The following ITGA2 variants were observed in gnomAD, a reference collection of about 807,000 sequenced individuals.
ITGA2 encodes integrin subunit alpha 2, also known as integrin alpha-2.
Under a neutral mutation model 146.3 loss-of-function variants are expected in ITGA2, and 101 were observed. The observed-to-expected ratio is 0.69, with a 90% CI of 0.59 to 0.81. ITGA2 has a LOEUF of 0.81. Ranked by LOEUF, ITGA2 falls within the 40% of genes least tolerant of loss-of-function variation. ITGA2 has a pLI of 0.00. For synonymous variants in ITGA2, 477 were observed against 487.1 expected (o/e 0.98, Z 0.27); for missense variants, 1,281 against 1,402.7 (o/e 0.91, Z 1.39).
chr5:53,011,738 G>A (rs1023545767), intron 1 of ITGA2, among the ~76,000 whole-genome samples: 1 of 151,898 alleles, frequency 6.6e-6, no homozygotes, highest in Non-Finnish European at 1.5e-5. Context: ...TATGTGAGTG[G>A]GGGGGAGTGA....
In ITGA2 at chr5:53,094,637, AAC is replaced by A. The variant is rs1415788595; in HGVS notation, c.*4040_*4041del. On this transcript the variant is annotated 3_prime_UTR_variant, in exon 30 of 30. Transcript: ENST00000296585. ...GAGAAACAAAAATTAAATTGTAGTC[AAC>A]AGTTAGTAGTTTTTCTCATATCCAA... The A allele has an allele frequency of 1.3e-5, 2 of 149,430 alleles. No homozygotes were observed. The highest frequency in any genetic ancestry group is 5.0e-5 in the African/African-American group (2 of 39,754). 9.3% of individuals were successfully genotyped at this position (149,430 alleles called of 1,614,324 possible).
intron 12 of ITGA2, among the ~76,000 whole-genome samples, chr5:53,061,621 C>G (rs549873955): frequency 9.9e-5 from 15 of 151,898 alleles, no homozygotes; most frequent in Non-Finnish European, 2.1e-4. Context: ...TAGTTAGACC[C>G]TATGATGAAT....
intron 15 of ITGA2, among the ~76,000 whole-genome samples, chr5:53,066,339 GACCACAC>G (rs1384183288): frequency 1.3e-5 from 2 of 151,778 alleles, no homozygotes; most frequent in African/African-American, 4.8e-5. Flanking sequence ...TGAAAATTCA[GACCACAC>G]AAGTAAAGTG....
intron 1 of ITGA2, among the ~76,000 whole-genome samples, chr5:53,022,128 A>G (rs1335275136): frequency 6.6e-6 from 1 of 152,172 alleles, no homozygotes; most frequent in Non-Finnish European, 1.5e-5. Context: ...TTGTGGTTGA[A>G]TATAAAATGA....
intron 12 of ITGA2, 140 bp from the exon 13 acceptor site, chr5:53,062,646 C>A: frequency 1.2e-6 from 1 of 843,702 alleles, no homozygotes. Flanking sequence ...GAACTGTGCT[C>A]TCTGTCTTCA....
In ITGA2 at chr5:53,036,602, G is replaced by A. The variant is rs552406426; in HGVS notation, c.186-5510G>A. Reference sequence around the variant, plus strand: ...CAGTGAGGCCTTCCCTGACCATTCCGATGAAGATTATACTGCTCTCCACCC... The same window carrying A: ...CAGTGAGGCCTTCCCTGACCATTCCAATGAAGATTATACTGCTCTCCACCC... On this transcript the variant is annotated intron_variant, in intron 2 of 29. Coordinates refer to ENST00000296585, the MANE Select transcript of ITGA2 (RefSeq NM_002203.4). Among the ~76,000 whole-genome samples the A allele has an allele frequency of 7.0e-4, 106 of 152,096 alleles. 1 individual carries two copies. The highest frequency in any genetic ancestry group is 2.2e-3 in the African/African-American group (90 of 41,482).
intron 11 of ITGA2, 26 bp downstream of exon 11, chr5:53,060,038 G>A (rs1364883513): frequency 2.5e-6 from 4 of 1,610,470 alleles, no homozygotes; most frequent in South Asian, 2.2e-5. Context: ...AATTGGCTCA[G>A]CAAACTTAAG....
rs3212463 is a variant in ITGA2 at position 53,045,564 on chromosome 5, T to A, written c.387+472T>A. ...TAGTTACAAAAAGAGTAAAAAGACATCACTAATCAGTGAAATAGAATGCCT... is the reference window on the plus strand; with the variant it reads ...TAGTTACAAAAAGAGTAAAAAGACAACACTAATCAGTGAAATAGAATGCCT... On this transcript the variant is annotated intron_variant, in intron 4 of 29. Transcript: ENST00000296585. 6.0e-3 allele frequency among the ~76,000 whole-genome samples: 917 copies of A among 152,288 alleles called. 6 individuals carry two copies. The highest frequency in any genetic ancestry group is 0.021 in the African/African-American group (878 of 41,564).
intron 25 of ITGA2, among the ~76,000 whole-genome samples, chr5:53,081,367 G>A (rs1469804985): frequency 6.6e-6 from 1 of 152,070 alleles, no homozygotes; most frequent in Non-Finnish European, 1.5e-5. Flanking sequence ...CATCATATGT[G>A]GGCTATAAAA....
At chr5:53,057,475 C>A (rs962621459) in intron 9 of ITGA2, among the ~76,000 whole-genome samples, 3 of 151,912 alleles carry the variant, frequency 2.0e-5, no homozygotes, top group African/African-American at 7.2e-5. Flanking sequence ...AGAACCAGAA[C>A]AAACTTCCCA....
At chr5:53,022,438 A>G (rs1742736136) in intron 1 of ITGA2, among the ~76,000 whole-genome samples, 1 of 152,226 alleles carries the variant, frequency 6.6e-6, no homozygotes, top group African/African-American at 2.4e-5. Flanking sequence ...TTGAATTATA[A>G]CTTAAAATTA....
chr5:52,990,070 A>G (rs1740857677), intron 1 of ITGA2: 2 of 167,306 alleles, frequency 1.2e-5, no homozygotes, highest in Non-Finnish European at 2.6e-5. Context: ...AAGGATGTGA[A>G]TAATGCCTCT....
intron 1 of ITGA2, among the ~76,000 whole-genome samples, chr5:53,021,658 G>A (rs928430311): frequency 5.9e-5 from 9 of 152,184 alleles, no homozygotes; most frequent in Admixed American, 2.6e-4. Context: ...CAGTCCCTCA[G>A]GCATGGGAGA....
intron 16 of ITGA2, among the ~76,000 whole-genome samples, chr5:53,067,496 C>G (rs1339992273): frequency 6.6e-6 from 1 of 151,804 alleles, no homozygotes; most frequent in Non-Finnish European, 1.5e-5. Flanking sequence ...TATGACATAA[C>G]CAAGGGCCCT....
At chr5:53,000,897 G>GTTTTTTTTTTTTTTTTTTTTTTTTTTTTT (rs369482288) in intron 1 of ITGA2, among the ~76,000 whole-genome samples, 68 of 97,224 alleles carry the variant, frequency 7.0e-4, no homozygotes, top group East Asian at 1.0e-3. Flanking sequence ...TTTTCTTTTT[G>GTTTTTTTTTTTTTTTTTTTTTTTTTTTTT]TTTTTTTTTT....
chr5:53,046,324 G>A (rs1361529444), intron 4 of ITGA2, among the ~76,000 whole-genome samples: 2 of 151,434 alleles, frequency 1.3e-5, no homozygotes, highest in African/African-American at 2.4e-5. Flanking sequence ...TTCTAAAAAT[G>A]TAATCAATTT....
intron 1 of ITGA2, among the ~76,000 whole-genome samples, chr5:52,996,958 T>C (rs1204310053): frequency 1.3e-5 from 2 of 152,238 alleles, no homozygotes; most frequent in Non-Finnish European, 2.9e-5. Context: ...TGTAACTTAG[T>C]GTTGTTTTCA....
At chr5:53,045,914 G>A (rs955814726) in intron 4 of ITGA2, among the ~76,000 whole-genome samples, 3 of 150,584 alleles carry the variant, frequency 2.0e-5, no homozygotes, top group African/African-American at 7.3e-5. Context: ...AGAGAGGTTG[G>A]GCGCGGTGGC....
chr5:53,064,442 A>G (rs1347569033), intron 13 of ITGA2, among the ~76,000 whole-genome samples: 2 of 152,030 alleles, frequency 1.3e-5, no homozygotes, highest in African/African-American at 4.8e-5. Flanking sequence ...AATTCTGATC[A>G]TAAATAGTTC....
Sources: allele counts gnomAD v4.1 joint callset (sites outside exome capture counted in the v4.1 genomes callset), GRCh38; gene constraint gnomAD v4.1.1; transcripts MANE v1.5; gene names NCBI Gene and HGNC (gene_info 2026-07-23, HGNC 2026-07-21).